CTNNA2: variants seen among roughly 807,000 people sequenced by gnomAD.
CTNNA2 encodes the protein catenin alpha 2.
Under a neutral mutation model 101.0 loss-of-function variants are expected in CTNNA2, and 42 were observed. The ratio of observed to expected loss-of-function variants is 0.42; its 90% CI spans 0.32 to 0.54. The LOEUF (loss-of-function observed/expected upper bound fraction) is 0.54, where lower values mean the gene tolerates loss of function less well. Ranked by LOEUF, CTNNA2 falls within the 20% of genes least tolerant of loss-of-function variation. CTNNA2 has a pLI of 0.14. For synonymous variants in CTNNA2, 450 were observed against 456.4 expected, an observed-to-expected ratio of 0.99 and a Z score of 0.18; for missense variants, 871 against 1,223.1, an observed-to-expected ratio of 0.71 and a Z score of 4.29.
intron 9 of CTNNA2, among the ~76,000 whole-genome samples, chr2:80,432,440 C>T (rs929584223): frequency 4.6e-5 from 7 of 152,222 alleles, no homozygotes; most frequent in African/African-American, 1.7e-4. Context: ...ACTACCACTT[C>T]CCACCAGATT....
intron 3 of CTNNA2, among the ~76,000 whole-genome samples, chr2:79,319,007 G>T (rs141555963): frequency 3.3e-5 from 5 of 152,220 alleles, no homozygotes; most frequent in Admixed American, 2.0e-4. Flanking sequence ...TTCTGGTGAC[G>T]GCTGAGGCTA....
intron 2 of CTNNA2, among the ~76,000 whole-genome samples, chr2:79,259,842 A>G (rs192776605): frequency 1.3e-5 from 2 of 152,196 alleles, no homozygotes; most frequent in Non-Finnish European, 2.9e-5. Context: ...ACTTACCAAG[A>G]GATGGTCTGG....
intron 7 of CTNNA2, among the ~76,000 whole-genome samples, chr2:80,362,675 T>C (rs1353849393): frequency 6.6e-6 from 1 of 152,118 alleles, no homozygotes; most frequent in East Asian, 1.9e-4. Context: ...AGAATCTTTT[T>C]GCAACAAAAA....
At chr2:79,538,654 A>G (rs1002562004) in intron 1 of CTNNA2, among the ~76,000 whole-genome samples, 7 of 152,226 alleles carry the variant, frequency 4.6e-5, no homozygotes, top group Non-Finnish European at 1.0e-4. Context: ...AGGGGAGCTC[A>G]GAGAATATTG....
rs765590913 is a variant in CTNNA2 at position 80,313,550 on chromosome 2, C to T, written c.1057-79661C>T. 3.9e-5 allele frequency: 62 copies of T among 1,609,524 alleles called. No homozygotes were observed. The Middle Eastern group carries it at 4.9e-4, about 13-fold the overall frequency. ...GCAAGACCAGGTAGAGGAAGGAAGA[C>T]GAATTGACCAGATGGATGGATGGAG... On this transcript the variant is annotated intron_variant, in intron 7 of 18. Coordinates refer to ENST00000402739, the MANE Select transcript of CTNNA2 (RefSeq NM_001282597.3).
At chr2:80,631,965 T>TG (rs1437638428) in intron 18 of CTNNA2, among the ~76,000 whole-genome samples, 7 of 152,006 alleles carry the variant, frequency 4.6e-5, no homozygotes, top group African/African-American at 7.2e-5. Context: ...GTTTTGAATC[T>TG]GGAAAAAAAA....
chr2:79,561,012 A>T (rs1283191814), intron 1 of CTNNA2, among the ~76,000 whole-genome samples: 3 of 151,900 alleles, frequency 2.0e-5, no homozygotes, highest in Non-Finnish European at 2.9e-5. Context: ...AAGGTTGTGG[A>T]ACTATCACCA....
intron 9 of CTNNA2, among the ~76,000 whole-genome samples, chr2:80,425,406 T>C (rs1240850009): frequency 7.2e-5 from 11 of 152,174 alleles, no homozygotes; most frequent in Admixed American, 7.2e-4. Context: ...AAAAAATAAA[T>C]GAATAAATCA....
At chr2:79,899,940 C>G (rs1237232078) in intron 6 of CTNNA2, among the ~76,000 whole-genome samples, 1 of 152,058 alleles carries the variant, frequency 6.6e-6, no homozygotes, top group Non-Finnish European at 1.5e-5. Flanking sequence ...AAGCTTGGCA[C>G]AGAATGAAAA....
At chr2:79,229,894 A>G (rs1261913090) in intron 2 of CTNNA2, among the ~76,000 whole-genome samples, 1 of 152,222 alleles carries the variant, frequency 6.6e-6, no homozygotes, top group East Asian at 1.9e-4. Context: ...GACTGGCGGC[A>G]TTATGCCCCT....
At chr2:79,780,944 C>T (rs1326022823) in intron 3 of CTNNA2, among the ~76,000 whole-genome samples, 1 of 152,092 alleles carries the variant, frequency 6.6e-6, no homozygotes, top group Non-Finnish European at 1.5e-5. Flanking sequence ...TAAAGATGTC[C>T]TAGTATTACA....
chr2:80,344,886 C>T (rs1672590755), intron 7 of CTNNA2, among the ~76,000 whole-genome samples: 1 of 151,964 alleles, frequency 6.6e-6, no homozygotes, highest in African/African-American at 2.4e-5. Flanking sequence ...GCCTTGGGGT[C>T]CCTTCATCCT....
At chr2:79,868,945 A>G (rs181425931) in intron 4 of CTNNA2, among the ~76,000 whole-genome samples, 5 of 152,318 alleles carry the variant, frequency 3.3e-5, no homozygotes, top group African/African-American at 9.6e-5. Flanking sequence ...CTTCACCACA[A>G]TATCTTAATT....
At chr2:79,905,378 T>C (rs1191802244) in intron 6 of CTNNA2, among the ~76,000 whole-genome samples, 1 of 152,128 alleles carries the variant, frequency 6.6e-6, no homozygotes, top group Non-Finnish European at 1.5e-5. Flanking sequence ...AATGACTAAA[T>C]GAGCTTTAAG....
At chr2:80,182,023 A>G (rs1705818280) in intron 7 of CTNNA2, among the ~76,000 whole-genome samples, 1 of 152,200 alleles carries the variant, frequency 6.6e-6, no homozygotes, top group Admixed American at 6.5e-5. Flanking sequence ...ATACAGGACT[A>G]ATAGGATAAA....
intron 7 of CTNNA2, among the ~76,000 whole-genome samples, chr2:80,022,066 T>G: frequency 6.6e-6 from 1 of 152,218 alleles, no homozygotes; most frequent in East Asian, 1.9e-4. Flanking sequence ...ACATTAAAGC[T>G]AATCAAATGG....
At chr2:80,094,777 G>T (rs974320543) in intron 7 of CTNNA2, among the ~76,000 whole-genome samples, 1 of 152,130 alleles carries the variant, frequency 6.6e-6, no homozygotes, top group Non-Finnish European at 1.5e-5. Flanking sequence ...AATTGTGAAT[G>T]GGAGTTCACT....
chr2:79,715,051 A>AG (rs1434089456), intron 2 of CTNNA2, among the ~76,000 whole-genome samples: 1 of 150,924 alleles, frequency 6.6e-6, no homozygotes, highest in East Asian at 1.9e-4. Context: ...AAAAAAAAAA[A>AG]AAAAAATTAA....
chr2:79,331,307 G>T (rs1460227264), intron 3 of CTNNA2, among the ~76,000 whole-genome samples: 2 of 152,026 alleles, frequency 1.3e-5, no homozygotes, highest in Admixed American at 1.3e-4. Flanking sequence ...CTCCATTATG[G>T]TGTCTATGGG....
Sources: allele counts gnomAD v4.1 joint callset (sites outside exome capture counted in the v4.1 genomes callset), GRCh38; gene constraint gnomAD v4.1.1; transcripts MANE v1.5; gene names NCBI Gene and HGNC (gene_info 2026-07-23, HGNC 2026-07-21).